Variants in ATXN1 observed in about 807,000 individuals in gnomAD.
The protein encoded by ATXN1 is ataxin-1.
Under a neutral mutation model 56.4 loss-of-function variants are expected in ATXN1, and 8 were observed. The observed-to-expected ratio is 0.14, with a 90% CI of 0.08 to 0.26. The LOEUF (loss-of-function observed/expected upper bound fraction) is 0.26, where lower values mean the gene tolerates loss of function less well. Among genes scored for constraint, ATXN1 ranks in the 10% least tolerant of loss-of-function variants. The pLI is 1.00. For synonymous variants in ATXN1, 514 were observed against 494.6 expected (o/e 1.04, Z -0.52); for missense variants, 987 against 1,106.5 (o/e 0.89, Z 1.53).
At chr6:16,503,172 T>C (rs543880143) in intron 5 of ATXN1, among the ~76,000 whole-genome samples, 58 of 152,330 alleles carry the variant, frequency 3.8e-4, no homozygotes, top group African/African-American at 1.4e-3. Context: ...TCTAGTTTTA[T>C]CGGTTCCTCC....
At chr6:16,431,235 C>A (rs1759277587) in intron 6 of ATXN1, among the ~76,000 whole-genome samples, 1 of 152,122 alleles carries the variant, frequency 6.6e-6, no homozygotes, top group Non-Finnish European at 1.5e-5. Context: ...CTGAAATTAT[C>A]AGGGAGGAAG....
At chr6:16,497,148 C>A (rs1054000896) in intron 5 of ATXN1, among the ~76,000 whole-genome samples, 1 of 152,174 alleles carries the variant, frequency 6.6e-6, no homozygotes, top group African/African-American at 2.4e-5. Flanking sequence ...AATGAAGTGA[C>A]AGCTTCTTTT....
rs367795509 is a variant in ATXN1, at chr6:16,430,218, G to A, written c.-161+55754C>T. Among the ~76,000 whole-genome samples the A allele has an allele frequency of 6.6e-5, 10 of 152,056 alleles. No homozygotes were observed. The East Asian group carries it at 7.7e-4, about 12-fold the overall frequency. On this transcript the variant is annotated intron_variant, in intron 6 of 7. Transcript: ENST00000436367. ...ATCCACTAGTATACTCCAAGATGTC[G>A]CGAGTCCCTGAATCCCCCACATCTC...
At chr6:16,402,590 T>G (rs1466000162) in intron 6 of ATXN1, among the ~76,000 whole-genome samples, 2 of 152,192 alleles carry the variant, frequency 1.3e-5, no homozygotes, top group African/African-American at 2.4e-5. Context: ...GCACCAGATC[T>G]ATAATGCATG....
intron 6 of ATXN1, among the ~76,000 whole-genome samples, chr6:16,469,376 T>C (rs1252288628): frequency 2.0e-5 from 3 of 152,242 alleles, no homozygotes; most frequent in Non-Finnish European, 4.4e-5. Context: ...AGAAAGCTTC[T>C]AAGATAGGAT....
intron 3 of ATXN1, among the ~76,000 whole-genome samples, chr6:16,644,513 CAA>C (rs368108627): frequency 9.5e-4 from 88 of 92,172 alleles, no homozygotes; most frequent in African/African-American, 1.6e-3. Context: ...GACTCCGTTT[CAA>C]AAAAAAAAAA....
chr6:16,591,936 T>A (rs1762730246), intron 3 of ATXN1, among the ~76,000 whole-genome samples: 1 of 152,210 alleles, frequency 6.6e-6, no homozygotes, highest in East Asian at 1.9e-4. Context: ...TAAAAGATGT[T>A]GAAACTATTT....
chr6:16,739,700 T>C (rs2113505048), intron 2 of ATXN1: 1 of 426,676 alleles, frequency 2.3e-6, no homozygotes, highest in Admixed American at 2.4e-5. Flanking sequence ...CGTCAGACTA[T>C]GGGACAGCTA....
intron 2 of ATXN1, among the ~76,000 whole-genome samples, chr6:16,730,487 G>GTAGGTATA (rs1759947941): frequency 7.6e-6 from 1 of 132,060 alleles, no homozygotes; most frequent in South Asian, 2.5e-4. Context: ...AAAACAGTAT[G>GTAGGTATA]TATATATATA....
intron 4 of ATXN1, among the ~76,000 whole-genome samples, chr6:16,554,305 T>C (rs1761972436): frequency 6.6e-6 from 1 of 152,244 alleles, no homozygotes; most frequent in Non-Finnish European, 1.5e-5. Flanking sequence ...CTACTATGCG[T>C]TTAGCCCTGT....
chr6:16,634,899 T>C lies in ATXN1; in HGVS notation c.-489+22877A>G, dbSNP rs566207893. 8.3e-4 allele frequency among the ~76,000 whole-genome samples: 126 copies of C among 152,300 alleles called. 1 individual carries two copies. The highest frequency in any genetic ancestry group is 2.8e-3 in the African/African-American group (115 of 41,562). On this transcript the variant is annotated intron_variant, in intron 3 of 7. Transcript: ENST00000436367. ...CTGTAGCTTTCATTACCATTGGCAT[T>C]ATTACTATCGTTTTGTCACTTTTGT...
At chr6:16,361,748 T>C (rs189593208) in intron 6 of ATXN1, among the ~76,000 whole-genome samples, 356 of 152,342 alleles carry the variant, frequency 2.3e-3, no homozygotes, top group African/African-American at 7.9e-3. Context: ...TAATGTCAGA[T>C]GCATAATTCA....
intron 4 of ATXN1, among the ~76,000 whole-genome samples, chr6:16,538,520 G>A (rs1459838738): frequency 2.0e-5 from 3 of 151,996 alleles, no homozygotes; most frequent in South Asian, 4.2e-4. Flanking sequence ...CCAGGTTGGC[G>A]TGCTGCACCC....
At chr6:16,743,113 G>A (rs933068299) in intron 2 of ATXN1, among the ~76,000 whole-genome samples, 4 of 152,168 alleles carry the variant, frequency 2.6e-5, no homozygotes, top group African/African-American at 9.7e-5. Flanking sequence ...AAATTCAGTA[G>A]GAATTTTTTC....
At chr6:16,462,819 A>G (rs1213456948) in intron 6 of ATXN1, among the ~76,000 whole-genome samples, 1 of 152,114 alleles carries the variant, frequency 6.6e-6, no homozygotes, top group Admixed American at 6.5e-5. Flanking sequence ...CCAAATGATC[A>G]TAGTAACTTC....
intron 6 of ATXN1, among the ~76,000 whole-genome samples, chr6:16,358,674 G>A (rs972311258): frequency 1.4e-4 from 22 of 152,158 alleles, no homozygotes; most frequent in Admixed American, 3.3e-4. Flanking sequence ...TGGGAGCTCC[G>A]CGTGCCACTG....
chr6:16,565,653 C>T (rs1762203822), intron 4 of ATXN1, among the ~76,000 whole-genome samples: 1 of 152,194 alleles, frequency 6.6e-6, no homozygotes, highest in Admixed American at 6.5e-5. Context: ...TGCACACCAA[C>T]AGAAACTGCC....
intron 4 of ATXN1, among the ~76,000 whole-genome samples, chr6:16,542,333 G>A (rs948879544): frequency 6.6e-6 from 1 of 152,078 alleles, no homozygotes; most frequent in Non-Finnish European, 1.5e-5. Context: ...TCTAAATTGC[G>A]CTCTTCAAAT....
chr6:16,391,893 C>T (rs1490749595), intron 6 of ATXN1, among the ~76,000 whole-genome samples: 1 of 152,214 alleles, frequency 6.6e-6, no homozygotes, highest in African/African-American at 2.4e-5. Context: ...CCCTTGACTG[C>T]AGCCTGATGT....
Sources: gnomAD v4.1 joint callset for allele counts (sites outside exome capture counted in the v4.1 genomes callset) on GRCh38, gnomAD v4.1.1 for gene constraint, MANE v1.5 for transcripts, NCBI Gene and HGNC (gene_info 2026-07-23, HGNC 2026-07-21) for gene names.